The following DOCK1 variants were observed in gnomAD, a reference collection of about 807,000 sequenced individuals.
DOCK1 encodes dedicator of cytokinesis 1.
Under a neutral mutation model 262.7 loss-of-function variants are expected in DOCK1, and 138 were observed. That is an observed-to-expected ratio of 0.53 (90% CI 0.46 to 0.61). DOCK1 has a LOEUF of 0.61. Among genes scored for constraint, DOCK1 ranks in the 20% least tolerant of loss-of-function variants. The pLI is 0.00. For synonymous variants in DOCK1, 866 were observed against 867.4 expected (o/e 1.00, Z 0.03); for missense variants, 1,908 against 2,370.7 (o/e 0.80, Z 4.05).
At chr10:127,215,945 T>C (rs2058190453) in intron 27 of DOCK1, among the ~76,000 whole-genome samples, 1 of 152,130 alleles carries the variant, frequency 6.6e-6, no homozygotes, top group Non-Finnish European at 1.5e-5. Context: ...CCACTTCATT[T>C]AAATGTGGTT....
At chr10:127,323,358 C>T (rs567120434) in intron 29 of DOCK1, among the ~76,000 whole-genome samples, 36 of 152,234 alleles carry the variant, frequency 2.4e-4, no homozygotes, top group African/African-American at 8.2e-4. Flanking sequence ...ATGTCCTGTC[C>T]GGTGGGGACG....
intron 27 of DOCK1, among the ~76,000 whole-genome samples, chr10:127,170,953 T>C (rs2054519089): frequency 1.3e-5 from 2 of 152,222 alleles, no homozygotes; most frequent in South Asian, 4.1e-4. Flanking sequence ...AAAGGCGTGA[T>C]TTTGCATACT....
chr10:127,017,380 G>GACAT (rs1235202658), intron 12 of DOCK1, among the ~76,000 whole-genome samples: 3 of 151,394 alleles, frequency 2.0e-5, no homozygotes, highest in African/African-American at 4.9e-5. Flanking sequence ...TACAGACACA[G>GACAT]ACATACATAC....
chr10:126,933,956 A>G (rs2034366899), intron 1 of DOCK1, among the ~76,000 whole-genome samples: 2 of 152,080 alleles, frequency 1.3e-5, no homozygotes, highest in African/African-American at 4.8e-5. Flanking sequence ...CTGGGATCAC[A>G]GTCACCCACC....
In DOCK1 at chr10:127,313,448, G is replaced by A. The variant is rs114336400; in HGVS notation, c.3045-25558G>A. Among the ~76,000 whole-genome samples the A allele has an allele frequency of 4.5e-3, 690 of 152,314 alleles. 1 individual carries two copies. Among genetic ancestry groups the A allele is most frequent in the African/African-American group, 0.015 (609 of 41,562 alleles). ...TAGGGAACAGCATTTAAGCCATAGC[G>A]AGAAAATAGCTAATGGGATTTCTGA... is the stretch of plus-strand genomic sequence containing the variant. On this transcript the variant is annotated intron_variant, in intron 29 of 51. Transcript: ENST00000623213.
intron 29 of DOCK1, among the ~76,000 whole-genome samples, chr10:127,295,643 AC>A (rs990469256): frequency 6.6e-6 from 1 of 151,880 alleles, no homozygotes; most frequent in African/African-American, 2.4e-5. Context: ...CTGTGATTAT[AC>A]CACTGCAGTC....
intron 27 of DOCK1, among the ~76,000 whole-genome samples, chr10:127,170,189 CTT>C (rs1211079635): frequency 6.6e-6 from 1 of 152,114 alleles, no homozygotes; most frequent in East Asian, 1.9e-4. Flanking sequence ...GTACTAGACT[CTT>C]TGGGTTGGTG....
At chr10:126,970,429 T>G (rs1328574347) in intron 1 of DOCK1, among the ~76,000 whole-genome samples, 1 of 152,176 alleles carries the variant, frequency 6.6e-6, no homozygotes, top group African/African-American at 2.4e-5. Flanking sequence ...AGTATTGAAG[T>G]GTCAATCAAA....
At chr10:127,308,232 C>T (rs1016624720) in intron 29 of DOCK1, among the ~76,000 whole-genome samples, 3 of 152,172 alleles carry the variant, frequency 2.0e-5, no homozygotes, top group East Asian at 1.9e-4. Flanking sequence ...CAGGTGGTGC[C>T]GTCATGGCAT....
At chr10:127,284,704 A>T (rs1926428) in intron 29 of DOCK1, among the ~76,000 whole-genome samples, 60,101 of 152,102 alleles carry the variant, frequency 0.4, 12,079 homozygotes, top group Admixed American at 0.45. Flanking sequence ...GTGAGGTATT[A>T]TCATGTCACT....
At chr10:127,441,352 G>A (rs933432011) in intron 49 of DOCK1, among the ~76,000 whole-genome samples, 2 of 152,176 alleles carry the variant, frequency 1.3e-5, no homozygotes, top group Admixed American at 6.5e-5. Context: ...AAATCCACAG[G>A]AACTCACCAA....
intron 23 of DOCK1, among the ~76,000 whole-genome samples, chr10:127,093,384 C>T (rs767236628): frequency 1.3e-5 from 2 of 151,006 alleles, no homozygotes; most frequent in African/African-American, 2.4e-5. Flanking sequence ...TAGCTGGGAC[C>T]ACAGGCATCC....
chr10:127,448,802 G>T (rs924778672), intron 51 of DOCK1, among the ~76,000 whole-genome samples: 7 of 148,354 alleles, frequency 4.7e-5, no homozygotes, highest in Non-Finnish European at 6.0e-5. Context: ...GTGAGACATG[G>T]TTTTTTTTTT....
chr10:127,071,637 G>T (rs1018772267), intron 23 of DOCK1, among the ~76,000 whole-genome samples: 2 of 152,136 alleles, frequency 1.3e-5, no homozygotes, highest in African/African-American at 2.4e-5. Context: ...ATGTGTAGTT[G>T]TAATTGTAAT....
chr10:127,214,380 A>G (rs1019917997), intron 27 of DOCK1, among the ~76,000 whole-genome samples: 8 of 152,148 alleles, frequency 5.3e-5, no homozygotes, highest in Non-Finnish European at 1.2e-4. Flanking sequence ...TGTATCCTTA[A>G]ACAATATGTT....
intron 47 of DOCK1, among the ~76,000 whole-genome samples, chr10:127,432,774 C>G (rs1306783376): frequency 3.3e-5 from 5 of 152,150 alleles, no homozygotes; most frequent in Non-Finnish European, 7.4e-5. Context: ...TCAGTGGCTT[C>G]AGTCACTTGC....
At chr10:127,049,375 G>A (rs1006820173) in intron 21 of DOCK1, among the ~76,000 whole-genome samples, 3 of 152,002 alleles carry the variant, frequency 2.0e-5, no homozygotes, top group East Asian at 1.9e-4. Flanking sequence ...ACAAAAATTC[G>A]CCAAGTGTGG....
rs1272470211 is a variant in DOCK1, at chr10:127,029,730, A to G, written c.1625-1920A>G. Among the ~76,000 whole-genome samples, 3 of 152,178 alleles carry G rather than the reference A, an allele frequency of 2.0e-5. No individual in the cohort carries two copies. In the East Asian group the frequency reaches 5.8e-4, roughly 29 times the overall value. On this transcript the variant is annotated intron_variant, in intron 16 of 51. Transcript: ENST00000623213. ...CAGTAAAAAGCGGTCCATTCCTCGGATGTGAAGATGCAGAATGTTAATAAA... is the reference window on the plus strand; with the variant it reads ...CAGTAAAAAGCGGTCCATTCCTCGGGTGTGAAGATGCAGAATGTTAATAAA...
chr10:127,383,471 A>G (rs1341857763), intron 37 of DOCK1, among the ~76,000 whole-genome samples: 1 of 152,214 alleles, frequency 6.6e-6, no homozygotes, highest in Non-Finnish European at 1.5e-5. Context: ...AGTTTGTCCA[A>G]TTGTGATGGA....
Sources: gnomAD v4.1 joint callset for allele counts (sites outside exome capture counted in the v4.1 genomes callset) on GRCh38, gnomAD v4.1.1 for gene constraint, MANE v1.5 for transcripts, NCBI Gene and HGNC (gene_info 2026-07-23, HGNC 2026-07-21) for gene names.